Variants in CERKL observed in about 807,000 individuals in gnomAD.
CERKL encodes the protein CERK like autophagy regulator.
In CERKL, 61 loss-of-function variants were observed where a neutral mutation model predicts 63.4. The observed-to-expected ratio is 0.96, with a 90% CI of 0.78 to 1.19. CERKL has a LOEUF of 1.19. CERKL is among the 50% of genes most tolerant of loss of function. The pLI is 0.00. For synonymous variants in CERKL, 250 were observed against 230.5 expected (o/e 1.08, Z -0.77); for missense variants, 675 against 655.5 (o/e 1.03, Z -0.33).
At chr2:181,622,884 A>G (rs1431241245) in intron 1 of CERKL, among the ~76,000 whole-genome samples, 5 of 152,234 alleles carry the variant, frequency 3.3e-5, no homozygotes, top group Non-Finnish European at 2.9e-5. Flanking sequence ...CTGGAAACAC[A>G]TAAAATCTTT....
chr2:181,551,997 C>T (rs1688007093), intron 5 of CERKL, among the ~76,000 whole-genome samples: 1 of 152,092 alleles, frequency 6.6e-6, no homozygotes, highest in African/African-American at 2.4e-5. Context: ...TTAAAGAGGT[C>T]CTGTCATTTA....
In CERKL at chr2:181,548,533, G is replaced by C; in HGVS notation, c.1133+12C>G. ...ATACAGGTTATCTGTATTACATTGA[G>C]TTTTTACCTACCTTTCTTGCACATC... On this transcript the variant is annotated intron_variant, in intron 8 of 12. Transcript: ENST00000410087. The C allele has an allele frequency of 6.3e-7, 1 of 1,588,984 alleles. No homozygotes were observed.
chr2:181,621,357 T>G (rs1277018622), intron 1 of CERKL, among the ~76,000 whole-genome samples: 1 of 152,222 alleles, frequency 6.6e-6, no homozygotes, highest in African/African-American at 2.4e-5. Context: ...TCAGCTGATA[T>G]AGTTTAGGCT....
At chr2:181,635,117 G>T (rs114534862) in intron 1 of CERKL, among the ~76,000 whole-genome samples, 285 of 152,216 alleles carry the variant, frequency 1.9e-3, no homozygotes, top group Non-Finnish European at 3.3e-3. Flanking sequence ...AGAAGAACTG[G>T]ATGTAAGATG....
At chr2:181,642,906 C>T (rs979763656) in intron 1 of CERKL, among the ~76,000 whole-genome samples, 7 of 152,288 alleles carry the variant, frequency 4.6e-5, no homozygotes, top group African/African-American at 1.7e-4. Flanking sequence ...CAATTCTTTT[C>T]CTCCAGAAAA....
At chr2:181,608,103 C>G in intron 1 of CERKL, among the ~76,000 whole-genome samples, 1 of 151,952 alleles carries the variant, frequency 6.6e-6, no homozygotes, top group Non-Finnish European at 1.5e-5. Context: ...CTCCTGGGCT[C>G]AAGTGATCCT....
At chr2:181,621,676 A>G (rs769119842) in intron 1 of CERKL, among the ~76,000 whole-genome samples, 1 of 152,204 alleles carries the variant, frequency 6.6e-6, no homozygotes, top group African/African-American at 2.4e-5. Context: ...TGAAGTTGAG[A>G]AAGTATTACC....
chr2:181,616,665 G>GTA, intron 1 of CERKL, among the ~76,000 whole-genome samples: 1 of 152,220 alleles, frequency 6.6e-6, no homozygotes, highest in South Asian at 2.1e-4. Flanking sequence ...AAAAAGAACA[G>GTA]TATAATAGAA....
chr2:181,551,037 C>G (rs963285750), intron 5 of CERKL, among the ~76,000 whole-genome samples: 1 of 151,990 alleles, frequency 6.6e-6, no homozygotes, highest in African/African-American at 2.4e-5. Context: ...ATGTCTTGTT[C>G]CTCAAGAAGA....
chr2:181,545,413 A>G (rs1289382012), intron 10 of CERKL, among the ~76,000 whole-genome samples: 1 of 152,218 alleles, frequency 6.6e-6, no homozygotes, highest in African/African-American at 2.4e-5. Flanking sequence ...ATTTAGTGCC[A>G]AAACAGCCAC....
Position 181,539,156 on chromosome 2 carries a change from C to T in CERKL, c.1474G>A (p.Glu492Lys). ...PEEEEDETAS[E>K]NCFPWNVDGD... Reference sequence around the variant, plus strand: ...TCTACATTCCAAGGGAAACAATTTTCTGAAGCAGTTTCATCCTCCTCCTCC... The same window carrying T: ...TCTACATTCCAAGGGAAACAATTTTTTGAAGCAGTTTCATCCTCCTCCTCC... The change falls in exon 12 of 13, where the codon GAA becomes AAA. Residue 492 changes from glutamate (E) to lysine (K), a missense_variant. Physicochemically the swap from Glu to Lys is moderately conservative, Grantham distance 56. Coordinates refer to ENST00000410087, the MANE Select transcript of CERKL (RefSeq NM_201548.5). The T allele has an allele frequency of 6.2e-7, 1 of 1,610,190 alleles. No homozygotes were observed. The highest frequency in any genetic ancestry group is 8.5e-7 in the Non-Finnish European group (1 of 1,176,592).
At chr2:181,610,300 A>C (rs185682399) in intron 1 of CERKL, among the ~76,000 whole-genome samples, 1 of 152,310 alleles carries the variant, frequency 6.6e-6, no homozygotes, top group Admixed American at 6.5e-5. Context: ...ACAAGATACC[A>C]CTTTTTGCCT....
chr2:181,620,411 G>T (rs1287001628), intron 1 of CERKL, among the ~76,000 whole-genome samples: 1 of 152,056 alleles, frequency 6.6e-6, no homozygotes, highest in Non-Finnish European at 1.5e-5. Context: ...TTGTCCAAAG[G>T]GTTCTGCTAC....
Position 181,580,801 on chromosome 2 carries a change from C to T in CERKL, c.482-6917G>A, listed in dbSNP as rs532827644. ...TCTGGAGTTTTCTTTCCTTTTCTAT[C>T]CTCTAAAATAGTTTAAATAGTATAG... On this transcript the variant is annotated intron_variant, in intron 2 of 12. Transcript: ENST00000410087. Among the ~76,000 whole-genome samples the T allele has an allele frequency of 2.0e-5, 3 of 152,192 alleles. No individual in the cohort carries two copies. In the South Asian group the frequency reaches 6.2e-4, roughly 32 times the overall value.
intron 2 of CERKL, among the ~76,000 whole-genome samples, chr2:181,588,001 A>T (rs1430527312): frequency 6.6e-6 from 1 of 152,210 alleles, no homozygotes; most frequent in African/African-American, 2.4e-5. Context: ...AATTAAAAAT[A>T]AACTGTATAT....
At chr2:181,638,164 A>C (rs2119517) in intron 1 of CERKL, among the ~76,000 whole-genome samples, 23,001 of 152,146 alleles carry the variant, frequency 0.15, 4,241 homozygotes, top group African/African-American at 0.44. Context: ...ACAAAACAAA[A>C]AAACCCAACA....
intron 1 of CERKL, among the ~76,000 whole-genome samples, chr2:181,618,879 A>T (rs181820946): frequency 1.4e-3 from 214 of 152,348 alleles, no homozygotes; most frequent in African/African-American, 4.5e-3. Flanking sequence ...ATATAGTCTT[A>T]TAAAGACAGG....
At chr2:181,600,389 C>T (rs368637358) in intron 2 of CERKL, among the ~76,000 whole-genome samples, 1 of 152,206 alleles carries the variant, frequency 6.6e-6, no homozygotes, top group African/African-American at 2.4e-5. Context: ...ACATAAATGG[C>T]CTAAATGCTC....
chr2:181,612,896 A>G (rs979223670), intron 1 of CERKL, among the ~76,000 whole-genome samples: 4 of 152,180 alleles, frequency 2.6e-5, no homozygotes, highest in Non-Finnish European at 4.4e-5. Context: ...TCTGATTCAT[A>G]TGGAAAATGA....
Sources: gnomAD v4.1 joint callset for allele counts (sites outside exome capture counted in the v4.1 genomes callset) on GRCh38, gnomAD v4.1.1 for gene constraint, MANE v1.5 for transcripts, NCBI Gene and HGNC (gene_info 2026-07-23, HGNC 2026-07-21) for gene names.